The following ADAMTS17 variants were observed in gnomAD, a reference collection of about 807,000 sequenced individuals.
ADAMTS17 encodes the protein ADAM metallopeptidase with thrombospondin type 1 motif 17.
Under a neutral mutation model 141.5 loss-of-function variants are expected in ADAMTS17, and 113 were observed. The observed-to-expected ratio is 0.80, with a 90% CI of 0.69 to 0.93. The LOEUF (loss-of-function observed/expected upper bound fraction) is 0.93. Among genes scored for constraint, ADAMTS17 ranks in the 40% least tolerant of loss-of-function variants. The pLI, the probability that ADAMTS17 is intolerant of heterozygous loss-of-function variation, is 0.00. For missense variants in ADAMTS17, 1,659 were observed against 1,517.9 expected (o/e 1.09, Z -1.54); for synonymous variants, 768 against 630.6 (o/e 1.22, Z -3.27).
chr15:100,147,059 T>G (rs2038941816), intron 10 of ADAMTS17, among the ~76,000 whole-genome samples: 1 of 152,156 alleles, frequency 6.6e-6, no homozygotes, highest in African/African-American at 2.4e-5. Context: ...TCTATTACCT[T>G]CTGAAGTACT....
In ADAMTS17 at chr15:100,341,075, G is replaced by C. The variant is rs2046349986; in HGVS notation, c.414C>G (p.Leu138=). Residue 138 remains leucine, a synonymous_variant, in exon 2 of 22, where the codon CTC becomes CTG. Coordinates refer to ENST00000268070, the MANE Select transcript of ADAMTS17 (RefSeq NM_139057.4). The part of the protein sequence containing the change: ...SGRVLGHPGS[L]VSLSACGAAG... ...CGGCGCCGCAGGCGCTGAGCGAGAC[G>C]AGGGAGCCGGGGTGGCCGAGCACAC... 2.0e-6 allele frequency: 3 copies of C among 1,522,410 alleles called. No individual in the cohort carries two copies. Among genetic ancestry groups the C allele is most frequent in the Non-Finnish European group, 1.8e-6 (2 of 1,140,330 alleles). The allele number at this position is 1,522,410 out of a possible 1,614,324, so 94.3% of individuals were successfully genotyped here.
At chr15:100,340,865 G>A in intron 2 of ADAMTS17, 174 bp downstream of exon 2, 2 of 1,002,094 alleles carry the variant, frequency 2.0e-6, no homozygotes, top group Middle Eastern at 3.2e-4. Context: ...TTTGCCTATA[G>A]AGGGTACCGA....
At chr15:100,341,772 A>T in intron 1 of ADAMTS17, 49 bp downstream of exon 1, 1 of 1,535,320 alleles carries the variant, frequency 6.5e-7, no homozygotes, top group Non-Finnish European at 8.8e-7. Flanking sequence ...CGCAGAGGGA[A>T]GGTAGCCGCA....
chr15:100,223,587 G>C (rs2042202058), intron 7 of ADAMTS17, among the ~76,000 whole-genome samples: 1 of 152,098 alleles, frequency 6.6e-6, no homozygotes, highest in African/African-American at 2.4e-5. Context: ...GAGAATCACA[G>C]TGACTCTTGT....
chr15:100,123,108 G>C (rs543111440), intron 12 of ADAMTS17, among the ~76,000 whole-genome samples: 65 of 152,324 alleles, frequency 4.3e-4, no homozygotes, highest in African/African-American at 1.6e-3. Flanking sequence ...ACTGGGCTGG[G>C]TGGATGAAGC....
Position 100,096,494 on chromosome 15 carries a change from C to T in ADAMTS17, c.2017-18G>A, listed in dbSNP as rs200626939. On this transcript the variant is annotated intron_variant, in intron 14 of 21. Transcript: ENST00000268070. ...CCGATTTTCTAAAGAACCAGAGGGC[C>T]TCATTATTCTGTGGTTAAGACTCAG... 6.2e-7 allele frequency: 1 copy of T among 1,613,910 alleles called. No individual in the cohort carries two copies. The highest frequency in any genetic ancestry group is 8.5e-7 in the Non-Finnish European group (1 of 1,180,016).
chr15:100,162,044 C>T (rs1749748157), intron 8 of ADAMTS17, among the ~76,000 whole-genome samples: 2 of 152,142 alleles, frequency 1.3e-5, no homozygotes, highest in African/African-American at 2.4e-5. Context: ...TAAAACAGTA[C>T]AAACTTCGGA....
chr15:100,215,491 T>C (rs1044825422), intron 7 of ADAMTS17, among the ~76,000 whole-genome samples: 3 of 152,124 alleles, frequency 2.0e-5, no homozygotes, highest in African/African-American at 4.8e-5. Flanking sequence ...TTGTGCACTA[T>C]AGACAACTCC....
At chr15:100,297,617 C>T (rs75260615) in intron 3 of ADAMTS17, among the ~76,000 whole-genome samples, 9,248 of 152,194 alleles carry the variant, frequency 0.061, 339 homozygotes, top group Middle Eastern at 0.085. Flanking sequence ...TTGGGGACCA[C>T]TGGAATAGGG....
At chr15:100,122,628 T>A (rs1567211581) in intron 12 of ADAMTS17, among the ~76,000 whole-genome samples, 1 of 152,234 alleles carries the variant, frequency 6.6e-6, no homozygotes, top group Non-Finnish European at 1.5e-5. Context: ...CAAATGGAAG[T>A]CTTGCTGATC....
At chr15:100,044,996 T>C (rs1904890) in intron 18 of ADAMTS17, among the ~76,000 whole-genome samples, 52,235 of 151,430 alleles carry the variant, frequency 0.34, 10,485 homozygotes, top group African/African-American at 0.54. Context: ...TTAGTAGAGA[T>C]GGGGTTTCAT....
intron 10 of ADAMTS17, among the ~76,000 whole-genome samples, chr15:100,151,330 C>T (rs2039153879): frequency 6.6e-6 from 1 of 152,166 alleles, no homozygotes; most frequent in Admixed American, 6.5e-5. Context: ...TTAGCAACCC[C>T]AAAGGTGGCA....
rs527941040 is a variant in ADAMTS17 at position 100,027,601 on chromosome 15, A to G, written c.2591+21256T>C. Among the ~76,000 whole-genome samples the G allele has an allele frequency of 2.4e-4, 36 of 152,370 alleles. 1 individual carries two copies. The highest frequency in any genetic ancestry group is 2.1e-3 in the Admixed American group (32 of 15,308). On this transcript the variant is annotated intron_variant, in intron 18 of 21. Coordinates refer to ENST00000268070, the MANE Select transcript of ADAMTS17 (RefSeq NM_139057.4). ...TTGTTTGTAGCTGCTTTTGTGCTAC[A>G]ATAGAATTGAGTAGTTAAGACAGAG... is the stretch of plus-strand genomic sequence containing the variant.
intron 15 of ADAMTS17, among the ~76,000 whole-genome samples, chr15:100,069,299 G>A (rs542712329): frequency 2.6e-5 from 4 of 152,272 alleles, no homozygotes; most frequent in South Asian, 2.1e-4. Context: ...GGAGAATGGA[G>A]CCAAGTTGGA....
At chr15:100,190,277 T>C (rs1202477395) in intron 8 of ADAMTS17, among the ~76,000 whole-genome samples, 1 of 152,232 alleles carries the variant, frequency 6.6e-6, no homozygotes, top group Non-Finnish European at 1.5e-5. Context: ...ACAAAGTGCA[T>C]GATTCCGTGG....
intron 4 of ADAMTS17, among the ~76,000 whole-genome samples, chr15:100,264,939 C>T (rs1303745358): frequency 1.3e-5 from 2 of 152,116 alleles, no homozygotes; most frequent in African/African-American, 4.8e-5. Context: ...TTAAAAATGG[C>T]TAAGGTGGTA....
intron 18 of ADAMTS17, among the ~76,000 whole-genome samples, chr15:100,000,809 G>A (rs1395318414): frequency 1.3e-5 from 2 of 152,102 alleles, no homozygotes; most frequent in South Asian, 2.1e-4. Flanking sequence ...CACTGTGCCC[G>A]GCCCCAACCA....
At chr15:100,228,442 G>A (rs937907694) in intron 7 of ADAMTS17, among the ~76,000 whole-genome samples, 1 of 152,222 alleles carries the variant, frequency 6.6e-6, no homozygotes, top group Non-Finnish European at 1.5e-5. Context: ...AAGCCTGACA[G>A]GTACAGAGGC....
At chr15:100,267,679 C>T (rs12913839) in intron 4 of ADAMTS17, among the ~76,000 whole-genome samples, 1 of 117,428 alleles carries the variant, frequency 8.5e-6, no homozygotes, top group Admixed American at 8.1e-5. Context: ...GCCCCCCTCC[C>T]TGTCTCCCTT....
Sources: allele counts gnomAD v4.1 joint callset (sites outside exome capture counted in the v4.1 genomes callset), GRCh38; gene constraint gnomAD v4.1.1; transcripts MANE v1.5; gene names NCBI Gene and HGNC (gene_info 2026-07-23, HGNC 2026-07-21).